ZNF516: variants seen among roughly 807,000 people sequenced by gnomAD.
The protein encoded by ZNF516 is zinc finger protein 516.
In ZNF516, 19 loss-of-function variants were observed where a neutral mutation model predicts 79.7. The observed-to-expected ratio is 0.24, with a 90% confidence interval of 0.17 to 0.35. The LOEUF (loss-of-function observed/expected upper bound fraction) is 0.35, where lower values mean the gene tolerates loss of function less well. Among genes scored for constraint, ZNF516 ranks in the 10% least tolerant of loss-of-function variants. The pLI, the probability that ZNF516 is intolerant of heterozygous loss-of-function variation, is 1.00. For missense variants in ZNF516, 1,678 were observed against 1,679.5 expected, an observed-to-expected ratio of 1.00 and a Z score of 0.02; for synonymous variants, 877 against 739.5, an observed-to-expected ratio of 1.19 and a Z score of -3.02.
intron 3 of ZNF516, among the ~76,000 whole-genome samples, chr18:76,414,026 G>C (rs1441038902): frequency 6.6e-6 from 1 of 152,146 alleles, no homozygotes; most frequent in Non-Finnish European, 1.5e-5. Flanking sequence ...TTATTCTTGA[G>C]AAATTCTTAG....
chr18:76,481,333 G>C (rs1326397518), intron 1 of ZNF516, among the ~76,000 whole-genome samples: 1 of 152,208 alleles, frequency 6.6e-6, no homozygotes, highest in Non-Finnish European at 1.5e-5. Flanking sequence ...GGACCCCAAA[G>C]AGGCAGACAG....
intron 1 of ZNF516, chr18:76,492,420 A>G (rs1355002895): frequency 2.1e-6 from 2 of 957,844 alleles, no homozygotes; most frequent in Non-Finnish European, 2.5e-6. Context: ...GCCAGGGCGC[A>G]GCGTTCAGGA....
At chr18:76,369,569 G>A (rs762263948) in intron 6 of ZNF516, among the ~76,000 whole-genome samples, 1 of 152,036 alleles carries the variant, frequency 6.6e-6, no homozygotes, top group African/African-American at 2.4e-5. Flanking sequence ...AACGATTCTC[G>A]AGTTCCTTTG....
In ZNF516 at chr18:76,441,527, C is replaced by T. The variant is rs1205115652; in HGVS notation, c.1528G>A (p.Gly510Ser). 6 of 1,578,060 alleles carry T rather than the reference C, an allele frequency of 3.8e-6. No homozygotes were observed. In the African/African-American group the frequency reaches 5.5e-5, roughly 14 times the overall value. Residue 510 changes from glycine to serine, a missense_variant, in exon 3 of 7, where the codon GGC (glycine) becomes AGC (serine). Transcript: ENST00000443185. ...RPNRRAAATT[G>S]QGKSSECFEC... Reference sequence around the variant, plus strand: ...AAGCACTCGGAGGACTTGCCCTGGCCGGTGGTGGCTGCGGCCCTGCGGTTG... The same window carrying T: ...AAGCACTCGGAGGACTTGCCCTGGCTGGTGGTGGCTGCGGCCCTGCGGTTG...
chr18:76,479,696 A>G (rs937188478), intron 1 of ZNF516, among the ~76,000 whole-genome samples: 11 of 152,252 alleles, frequency 7.2e-5, no homozygotes, highest in African/African-American at 1.9e-4. Flanking sequence ...ACCTGGGTGC[A>G]GGGAACATGG....
chr18:76,477,838 T>C (rs1387758724), intron 1 of ZNF516, among the ~76,000 whole-genome samples: 1 of 152,062 alleles, frequency 6.6e-6, no homozygotes, highest in Non-Finnish European at 1.5e-5. Context: ...TTTAAGAAGA[T>C]GCTTTAAGAA....
At chr18:76,487,939 A>G (rs1306951113) in intron 1 of ZNF516, 1 of 985,412 alleles carries the variant, frequency 1.0e-6, no homozygotes, top group East Asian at 1.1e-4. Context: ...AGAAGAAGGG[A>G]ACAGCTACAC....
rs539569986 is a variant in ZNF516, at chr18:76,483,460, GGCATCTGTCCGTCATCA to G, written c.-272+11667_-272+11683del. Among the ~76,000 whole-genome samples the G allele has an allele frequency of 9.4e-4, 143 of 152,116 alleles. 3 individuals carry two copies. The South Asian group carries it at 0.021, about 22-fold the overall frequency. On this transcript the variant is annotated intron_variant, in intron 1 of 6. Coordinates refer to ENST00000443185, the MANE Select transcript of ZNF516 (RefSeq NM_014643.4). ...CCACTCCTGTGGGAAGCTCCCTCTC[GGCATCTGTCCGTCATCA>G]GCATCTGTCCGTCATCGGCATCTGT...
intron 3 of ZNF516, among the ~76,000 whole-genome samples, chr18:76,437,299 G>A (rs913329624): frequency 5.9e-5 from 9 of 152,100 alleles, no homozygotes; most frequent in Non-Finnish European, 8.8e-5. Context: ...GCCTCAGTGC[G>A]CCTGGTGACA....
chr18:76,469,916 C>A (rs1028581652), intron 1 of ZNF516, among the ~76,000 whole-genome samples: 2 of 152,270 alleles, frequency 1.3e-5, no homozygotes, highest in East Asian at 1.9e-4. Flanking sequence ...TGCTCAAAAT[C>A]ATTTGAAATG....
chr18:76,419,737 G>A (rs1455703120), intron 3 of ZNF516, among the ~76,000 whole-genome samples: 1 of 152,212 alleles, frequency 6.6e-6, no homozygotes, highest in Non-Finnish European at 1.5e-5. Flanking sequence ...CTTCTACCAT[G>A]ATTGTGAGGC....
intron 4 of ZNF516, among the ~76,000 whole-genome samples, chr18:76,377,251 C>T (rs2074802146): frequency 6.6e-6 from 1 of 152,268 alleles, no homozygotes; most frequent in Non-Finnish European, 1.5e-5. Flanking sequence ...GACGCCACTC[C>T]TGAGTCACAC....
At position 76,492,316 on chromosome 18, in the gene ZNF516, G is replaced by A. The variant is rs192178299; in HGVS notation, c.-272+2828C>T. On this transcript the variant is annotated intron_variant, in intron 1 of 6. Transcript: ENST00000443185. Reference sequence around the variant, plus strand: ...CACACACATCACTACCGATATTCCTGAGAAAGTCGGTGCCACAGTAAGTCA... The same window carrying A: ...CACACACATCACTACCGATATTCCTAAGAAAGTCGGTGCCACAGTAAGTCA... The A allele has an allele frequency of 3.0e-4, 299 of 985,480 alleles. 3 individuals carry two copies. The African/African-American group carries it at 4.4e-3, about 14-fold the overall frequency. 61.0% of individuals were successfully genotyped at this position (985,480 alleles called of 1,614,324 possible). A position where few individuals can be genotyped will look rare whatever the true frequency, so the allele number is the denominator to read the frequency against.
chr18:76,416,880 G>A (rs578159837), intron 3 of ZNF516, among the ~76,000 whole-genome samples: 1 of 152,124 alleles, frequency 6.6e-6, no homozygotes, highest in East Asian at 1.9e-4. Flanking sequence ...ATTAAAGGGG[G>A]GAGGGACTTT....
chr18:76,415,215 A>C (rs1599052056), intron 3 of ZNF516, among the ~76,000 whole-genome samples: 1 of 152,342 alleles, frequency 6.6e-6, no homozygotes, highest in African/African-American at 2.4e-5. Context: ...AAAGAAAAAG[A>C]AAAGAGGAAA....
At chr18:76,470,435 C>G (rs548728890) in intron 1 of ZNF516, among the ~76,000 whole-genome samples, 2 of 152,176 alleles carry the variant, frequency 1.3e-5, no homozygotes, top group Admixed American at 6.5e-5. Flanking sequence ...CTGAAGTGAT[C>G]TTACATGCAA....
chr18:76,430,594 A>G (rs2075649285), intron 3 of ZNF516, among the ~76,000 whole-genome samples: 1 of 152,268 alleles, frequency 6.6e-6, no homozygotes. Flanking sequence ...ATGAGATTCA[A>G]GCATGTATGT....
At chr18:76,385,933 T>G (rs1465385197) in intron 3 of ZNF516, 1 of 152,296 alleles carries the variant, frequency 6.6e-6, no homozygotes, top group Non-Finnish European at 1.5e-5. Flanking sequence ...TGAGCTGCTA[T>G]TCCTACAAAG....
chr18:76,441,395 C>T lies in ZNF516; in HGVS notation c.1660G>A (p.Ala554Thr). Residue 554 changes from alanine (A) to threonine (T), a missense_variant, in exon 3 of 7, where the codon GCC (alanine) becomes ACC (threonine). Ala to Thr is a moderately conservative substitution (Grantham distance 58). Transcript: ENST00000443185. Reference sequence around the variant, plus strand: ...CCCTCACTGAGTGATCCGCAGCGGGCCCGCGCCGCCCTGTCCCCGTCACTG... The same window carrying T: ...CCCTCACTGAGTGATCCGCAGCGGGTCCGCGCCGCCCTGTCCCCGTCACTG... ...RDSDGDRAAR[A>T]RCGSLSEGDS... 1.9e-6 allele frequency: 3 copies of T among 1,609,216 alleles called. No individual in the cohort carries two copies. Among genetic ancestry groups the T allele is most frequent in the Non-Finnish European group, 2.5e-6 (3 of 1,178,530 alleles).
Sources: gnomAD v4.1 joint callset for allele counts (sites outside exome capture counted in the v4.1 genomes callset) on GRCh38, gnomAD v4.1.1 for gene constraint, MANE v1.5 for transcripts, NCBI Gene and HGNC (gene_info 2026-07-23, HGNC 2026-07-21) for gene names.